The following ROBO1 variants were observed in gnomAD, a reference collection of about 807,000 sequenced individuals.
ROBO1 encodes the protein roundabout guidance receptor 1, also known as roundabout homolog 1.
ROBO1 carries 149 observed loss-of-function variants against 195.9 expected under a neutral mutation model. The ratio of observed to expected loss-of-function variants is 0.76; its 90% confidence interval spans 0.67 to 0.87. ROBO1 has a LOEUF of 0.87. Ranked by LOEUF, ROBO1 falls within the 40% of genes least tolerant of loss-of-function variation. ROBO1 has a pLI of 0.00. For synonymous variants in ROBO1, 816 were observed against 733.2 expected (o/e 1.11, Z -1.82); for missense variants, 1,933 against 2,068.3 (o/e 0.93, Z 1.27).
At chr3:79,619,543 T>C (rs1479899395) in intron 1 of ROBO1, among the ~76,000 whole-genome samples, 2 of 152,094 alleles carry the variant, frequency 1.3e-5, no homozygotes, top group Admixed American at 6.6e-5. Flanking sequence ...CCTCCCTTCC[T>C]CACACCCAGT....
At chr3:79,082,885 T>C (rs2079300425) in intron 3 of ROBO1, among the ~76,000 whole-genome samples, 1 of 152,126 alleles carries the variant, frequency 6.6e-6, no homozygotes, top group Non-Finnish European at 1.5e-5. Context: ...CAGGTTGAAC[T>C]TATTTTTAGC....
intron 2 of ROBO1, among the ~76,000 whole-genome samples, chr3:79,499,543 C>A (rs1939940954): frequency 6.6e-6 from 1 of 152,156 alleles, no homozygotes; most frequent in Non-Finnish European, 1.5e-5. Flanking sequence ...CAATCACAAC[C>A]TTTCCCCTTA....
chr3:78,657,474 A>T (rs1168226915), intron 17 of ROBO1, among the ~76,000 whole-genome samples: 1 of 152,156 alleles, frequency 6.6e-6, no homozygotes, highest in East Asian at 1.9e-4. Flanking sequence ...GTTTCAAGGC[A>T]TCTTTATTAC....
chr3:78,667,665 T>C (rs1176678556), intron 14 of ROBO1, among the ~76,000 whole-genome samples: 4 of 152,198 alleles, frequency 2.6e-5, no homozygotes, highest in African/African-American at 4.8e-5. Context: ...GAAACAGTTC[T>C]CTTTGTTAAT....
At chr3:78,874,146 CA>C (rs1477012852) in intron 4 of ROBO1, among the ~76,000 whole-genome samples, 2 of 151,876 alleles carry the variant, frequency 1.3e-5, no homozygotes. Flanking sequence ...AAAATATACT[CA>C]ATCACTGTAT....
chr3:79,666,691 C>T (rs1307387573), intron 1 of ROBO1, among the ~76,000 whole-genome samples: 1 of 151,768 alleles, frequency 6.6e-6, no homozygotes, highest in East Asian at 2.0e-4. Context: ...GTGAGGCCTC[C>T]CCAGCCACGA....
chr3:79,754,718 T>C (rs1048177692), intron 1 of ROBO1, among the ~76,000 whole-genome samples: 4 of 152,158 alleles, frequency 2.6e-5, no homozygotes, highest in Non-Finnish European at 5.9e-5. Context: ...CCAAAATCTT[T>C]CTTTGCTGCT....
chr3:78,676,350 A>C (rs576428805), intron 10 of ROBO1, among the ~76,000 whole-genome samples: 1 of 152,348 alleles, frequency 6.6e-6, no homozygotes, highest in East Asian at 1.9e-4. Context: ...AGTTGAGAGA[A>C]GAAGGCTTCA....
At chr3:79,520,105 T>C (rs992286657) in intron 2 of ROBO1, among the ~76,000 whole-genome samples, 1 of 149,922 alleles carries the variant, frequency 6.7e-6, no homozygotes, top group Admixed American at 6.7e-5. Flanking sequence ...GAGGCTGCAG[T>C]GAGCCCTGTT....
chr3:79,183,970 A>G (rs2081391808), intron 2 of ROBO1, among the ~76,000 whole-genome samples: 2 of 152,214 alleles, frequency 1.3e-5, no homozygotes, highest in African/African-American at 4.8e-5. Flanking sequence ...TTGTTATTCA[A>G]TTATTATTAT....
chr3:79,450,348 G>A (rs531968019), intron 2 of ROBO1, among the ~76,000 whole-genome samples: 234 of 151,632 alleles, frequency 1.5e-3, no homozygotes, highest in Middle Eastern at 0.01. Flanking sequence ...GAGAGGGAGG[G>A]ATGAAGGGAG....
chr3:79,670,977 G>T (rs541038893), intron 1 of ROBO1, among the ~76,000 whole-genome samples: 1 of 151,902 alleles, frequency 6.6e-6, no homozygotes, highest in South Asian at 2.1e-4. Context: ...ACTCACCCAG[G>T]TTGTTTAATT....
intron 2 of ROBO1, among the ~76,000 whole-genome samples, chr3:79,273,541 T>G (rs1054126143): frequency 6.6e-6 from 1 of 151,610 alleles, no homozygotes; most frequent in Non-Finnish European, 1.5e-5. Context: ...AGGCAAAAAG[T>G]TAAAACCTAT....
At chr3:79,748,439 T>C (rs1378223370) in intron 1 of ROBO1, among the ~76,000 whole-genome samples, 3 of 152,206 alleles carry the variant, frequency 2.0e-5, no homozygotes, top group African/African-American at 7.2e-5. Context: ...TGGAAATATA[T>C]TCTTAATATG....
intron 4 of ROBO1, among the ~76,000 whole-genome samples, chr3:78,766,270 G>C (rs1342800489): frequency 1.3e-5 from 2 of 152,140 alleles, no homozygotes; most frequent in Non-Finnish European, 2.9e-5. Context: ...CAGAGCATCT[G>C]CCTCAGATTG....
chr3:79,341,122 C>T (rs188692781), intron 2 of ROBO1, among the ~76,000 whole-genome samples: 39 of 152,172 alleles, frequency 2.6e-4, no homozygotes, highest in African/African-American at 8.7e-4. Context: ...AACCAGAAAC[C>T]CTCATGAATT....
intron 4 of ROBO1, among the ~76,000 whole-genome samples, chr3:78,912,547 A>G (rs964806461): frequency 2.0e-5 from 3 of 152,176 alleles, no homozygotes; most frequent in African/African-American, 7.2e-5. Flanking sequence ...ACAGGAGATT[A>G]GCATGGGAGA....
chr3:78,771,236 T>A (rs1161578425), intron 4 of ROBO1, among the ~76,000 whole-genome samples: 1 of 152,190 alleles, frequency 6.6e-6, no homozygotes, highest in African/African-American at 2.4e-5. Context: ...GGGTTCTCTA[T>A]TCCATTGCAC....
At chr3:79,549,893 T>C (rs1187923948) in intron 2 of ROBO1, among the ~76,000 whole-genome samples, 1 of 151,934 alleles carries the variant, frequency 6.6e-6, no homozygotes, top group African/African-American at 2.4e-5. Context: ...GGGAGGTTAA[T>C]ATGGCAAGAT....
Sources: gnomAD v4.1 joint callset for allele counts (sites outside exome capture counted in the v4.1 genomes callset) on GRCh38, gnomAD v4.1.1 for gene constraint, MANE v1.5 for transcripts, NCBI Gene and HGNC (gene_info 2026-07-23, HGNC 2026-07-21) for gene names.